Variants in OSBP2 observed in about 807,000 individuals in gnomAD.
OSBP2 encodes the protein oxysterol-binding protein 2.
A neutral mutation model predicts 96.0 loss-of-function variants in OSBP2; 66 were observed. That is an observed-to-expected ratio of 0.69 (90% CI 0.56 to 0.84). The LOEUF (loss-of-function observed/expected upper bound fraction) is 0.84, where lower values mean the gene tolerates loss of function less well. Among genes scored for constraint, OSBP2 ranks in the 40% least tolerant of loss-of-function variants. The probability of loss-of-function intolerance (pLI) is 0.00; values close to 1 mark genes in which losing one functional copy is unlikely to be tolerated. For synonymous variants in OSBP2, 525 were observed against 520.9 expected (o/e 1.01, Z -0.11); for missense variants, 1,038 against 1,222.7 (o/e 0.85, Z 2.25).
At chr22:30,714,578 C>G (rs2089416257) in intron 1 of OSBP2, among the ~76,000 whole-genome samples, 1 of 152,070 alleles carries the variant, frequency 6.6e-6, no homozygotes. Context: ...CAACTCCTCC[C>G]CTTTTCCCCT....
intron 1 of OSBP2, among the ~76,000 whole-genome samples, chr22:30,696,406 A>T (rs1018206037): frequency 1.3e-5 from 2 of 152,140 alleles, no homozygotes; most frequent in African/African-American, 4.8e-5. Context: ...TTGTTGGAAC[A>T]CAAAGTGCTG....
intron 1 of OSBP2, among the ~76,000 whole-genome samples, chr22:30,725,296 GGA>G (rs1008688554): frequency 7.2e-5 from 11 of 152,088 alleles, no homozygotes; most frequent in African/African-American, 2.7e-4. Flanking sequence ...CTTGAGGCCA[GGA>G]GTTCAACACC....
At chr22:30,863,511 A>G (rs2039268246) in intron 2 of OSBP2, among the ~76,000 whole-genome samples, 1 of 152,146 alleles carries the variant, frequency 6.6e-6, no homozygotes, top group Non-Finnish European at 1.5e-5. Flanking sequence ...TGCCCTGCTT[A>G]AAGTCGGTAG....
chr22:30,905,706 G>A, intron 12 of OSBP2, 131 bp from the exon 13 acceptor site: 2 of 1,363,056 alleles, frequency 1.5e-6, no homozygotes, highest in Non-Finnish European at 2.0e-6. Context: ...AGGCCAGAGG[G>A]AGTCCTGGAC....
chr22:30,836,939 G>A (rs2038645569), intron 2 of OSBP2, among the ~76,000 whole-genome samples: 1 of 152,142 alleles, frequency 6.6e-6, no homozygotes, highest in South Asian at 2.1e-4. Flanking sequence ...GTGGGTGAAT[G>A]TGATTAAAGA....
At chr22:30,802,849 G>T (rs1474260659) in intron 2 of OSBP2, among the ~76,000 whole-genome samples, 2 of 152,228 alleles carry the variant, frequency 1.3e-5, no homozygotes, top group African/African-American at 4.8e-5. Context: ...CCCTTGCAGC[G>T]CTCAGGCTGA....
Position 30,907,532 on chromosome 22 carries a change from C to G in OSBP2, c.*1193C>G, listed in dbSNP as rs1337344329. 6.6e-6 allele frequency: 1 copy of G among 152,390 alleles called. No individual in the cohort carries two copies. Among genetic ancestry groups the G allele is most frequent in the African/African-American group, 2.4e-5 (1 of 41,390 alleles). 9.4% of individuals were successfully genotyped at this position (152,390 alleles called of 1,614,324 possible). ...CACCATGGCCACTGACCCAGCCCCTCAGAATCCCACACTCCAATCCTTTCC... is the reference window on the plus strand; with the variant it reads ...CACCATGGCCACTGACCCAGCCCCTGAGAATCCCACACTCCAATCCTTTCC... On this transcript the variant is annotated 3_prime_UTR_variant, in exon 14 of 14. Transcript: ENST00000332585.
chr22:30,783,614 G>A (rs918921014), intron 2 of OSBP2, among the ~76,000 whole-genome samples: 5 of 152,030 alleles, frequency 3.3e-5, no homozygotes, highest in African/African-American at 9.7e-5. Context: ...GAGCCACTAC[G>A]CCAGGCCAGA....
chr22:30,906,464 A>ATTT lies in OSBP2; in HGVS notation c.*133_*135dup. ...CCCAGCCCTTCCTATTTCCTTTCCTATTTTTTTTTTCTCCCCACACTTTCT... is the reference window on the plus strand; with the variant it reads ...CCCAGCCCTTCCTATTTCCTTTCCTATTTTTTTTTTTTTCTCCCCACACTTTCT... On this transcript the variant is annotated 3_prime_UTR_variant, in exon 14 of 14. Transcript: ENST00000332585. 1 of 1,083,890 alleles carries ATTT rather than the reference A, an allele frequency of 9.2e-7. No homozygotes were observed. 67.1% of individuals were successfully genotyped at this position (1,083,890 alleles called of 1,614,324 possible). A position where few individuals can be genotyped will look rare whatever the true frequency, so the allele number is the denominator to read the frequency against.
At chr22:30,903,552 T>G (rs557846313) in intron 12 of OSBP2, among the ~76,000 whole-genome samples, 2 of 152,348 alleles carry the variant, frequency 1.3e-5, no homozygotes, top group South Asian at 4.1e-4. Flanking sequence ...GGCATTCACG[T>G]GTTTTTGTTA....
At chr22:30,788,778 T>A (rs1357054566) in intron 2 of OSBP2, among the ~76,000 whole-genome samples, 1 of 152,142 alleles carries the variant, frequency 6.6e-6, no homozygotes, top group African/African-American at 2.4e-5. Flanking sequence ...AGTGGCACCA[T>A]CTCAGCTCAC....
chr22:30,885,833 G>A (rs929508236), intron 3 of OSBP2, among the ~76,000 whole-genome samples: 1 of 152,234 alleles, frequency 6.6e-6, no homozygotes, highest in Non-Finnish European at 1.5e-5. Context: ...GTGCAGACCC[G>A]TGGCACCCAG....
Position 30,695,149 on chromosome 22 carries a change from GGAACC to G in OSBP2, c.241_245del (p.Glu81CysfsTer7). ...CAGTTTCGGAGGCAGTGCCAAGATC[GGAACC>G]TGTGTCCGAGACGACGTCTGAGCCG... On this transcript the variant is annotated frameshift_variant, in exon 1 of 14. Transcript: ENST00000332585. LOFTEE classifies it high-confidence loss of function. 3 of 1,608,378 alleles carry G rather than the reference GGAACC, an allele frequency of 1.9e-6. No individual in the cohort carries two copies. Among genetic ancestry groups the G allele is most frequent in the Non-Finnish European group, 2.5e-6 (3 of 1,176,762 alleles).
At chr22:30,883,339 A>G (rs2039740684) in intron 3 of OSBP2, among the ~76,000 whole-genome samples, 1 of 152,220 alleles carries the variant, frequency 6.6e-6, no homozygotes, top group African/African-American at 2.4e-5. Flanking sequence ...TGACCCGATT[A>G]GCCCCTTCTC....
Position 30,906,015 on chromosome 22 carries a change from C to T in OSBP2, c.2554C>T (p.Arg852Trp), listed in dbSNP as rs753790117. 9 of 1,573,452 alleles carry T rather than the reference C, an allele frequency of 5.7e-6. No individual in the cohort carries two copies. The highest frequency in any genetic ancestry group is 3.8e-5 in the Admixed American group (2 of 52,958). The change falls in exon 13 of 14, where the codon CGG becomes TGG. Residue 852 changes from arginine to tryptophan, a missense_variant. This residue lies in a region of OSBP2 where 737 missense variants were observed against 913.3 expected (regional missense o/e 0.81). Transcript: ENST00000332585. ...GCTGGAGGAGAAGCAGCGCCTGTCG[C>T]GGCGCCGGCGGCTGGAGGCCTGCGG... ...QRLEEKQRLS[R>W]RRRLEACGPG... is the part of the protein sequence containing the mutation.
At chr22:30,694,797 C>G, upstream of OSBP2, 3 of 555,892 alleles carry the variant, frequency 5.4e-6, no homozygotes, top group Non-Finnish European at 6.8e-6. Flanking sequence ...CGCGGAGGAA[C>G]CCGCGCGCGC....
intron 2 of OSBP2, among the ~76,000 whole-genome samples, chr22:30,848,755 C>T (rs891936936): frequency 2.0e-5 from 3 of 152,030 alleles, no homozygotes; most frequent in African/African-American, 7.2e-5. Context: ...GTAGTTTGTT[C>T]GTTTTTATTG....
chr22:30,901,556 A>C (rs1055868399), intron 12 of OSBP2, among the ~76,000 whole-genome samples: 1 of 152,174 alleles, frequency 6.6e-6, no homozygotes, highest in Non-Finnish European at 1.5e-5. Context: ...AAATTGGTAC[A>C]ACACTCGGGA....
chr22:30,761,958 C>T (rs1306259981), intron 2 of OSBP2, among the ~76,000 whole-genome samples: 1 of 152,190 alleles, frequency 6.6e-6, no homozygotes, highest in Non-Finnish European at 1.5e-5. Context: ...AACCATACAA[C>T]TATAATACTC....
Sources: allele counts gnomAD v4.1 joint callset (sites outside exome capture counted in the v4.1 genomes callset), GRCh38; gene constraint gnomAD v4.1.1; regional missense constraint gnomAD v4.1.1; transcripts MANE v1.5; gene names NCBI Gene and HGNC (gene_info 2026-07-23, HGNC 2026-07-21).